The following METTL16 variants were observed in gnomAD, a reference collection of about 807,000 sequenced individuals.
The protein encoded by METTL16 is methyltransferase 16, RNA N6-adenosine.
A neutral mutation model predicts 57.9 loss-of-function variants in METTL16; 19 were observed. The observed-to-expected ratio is 0.33, with a 90% CI of 0.23 to 0.48. The LOEUF (loss-of-function observed/expected upper bound fraction) is 0.48, where lower values mean the gene tolerates loss of function less well. Among genes scored for constraint, METTL16 ranks in the 20% least tolerant of loss-of-function variants. The pLI is 0.99. For synonymous variants in METTL16, 246 were observed against 255.6 expected (o/e 0.96, Z 0.36); for missense variants, 434 against 691.5 (o/e 0.63, Z 4.18).
chr17:2,510,741 C>T (rs2067581432), intron 1 of METTL16, among the ~76,000 whole-genome samples: 1 of 152,016 alleles, frequency 6.6e-6, no homozygotes, highest in African/African-American at 2.4e-5. Flanking sequence ...TAGCTCCCTG[C>T]AGCCTCCAAC....
chr17:2,492,206 G>A (rs781658835), intron 2 of METTL16, among the ~76,000 whole-genome samples: 9 of 152,194 alleles, frequency 5.9e-5, no homozygotes, highest in East Asian at 1.9e-4. Context: ...GCAAGACTCC[G>A]TCTCAAAAAT....
At chr17:2,475,993 C>T (rs977849974) in intron 3 of METTL16, among the ~76,000 whole-genome samples, 27 of 152,162 alleles carry the variant, frequency 1.8e-4, no homozygotes, top group African/African-American at 5.8e-4. Flanking sequence ...AGGTGAGAGA[C>T]GATGACTTGG....
chr17:2,436,375 T>C (rs761774942), intron 8 of METTL16, among the ~76,000 whole-genome samples: 4 of 152,100 alleles, frequency 2.6e-5, no homozygotes, highest in South Asian at 2.1e-4. Flanking sequence ...GGGAGTGTAA[T>C]TGAACCCAGC....
chr17:2,442,232 C>T (rs2066958182), intron 6 of METTL16, among the ~76,000 whole-genome samples: 1 of 152,190 alleles, frequency 6.6e-6, no homozygotes, highest in Non-Finnish European at 1.5e-5. Flanking sequence ...CTGGACAAAA[C>T]ATATAAAATA....
At chr17:2,473,016 C>A (rs2151567576) in intron 4 of METTL16, among the ~76,000 whole-genome samples, 1 of 152,168 alleles carries the variant, frequency 6.6e-6, no homozygotes, top group South Asian at 2.1e-4. Flanking sequence ...GATGTGCCAG[C>A]ATAGGTTCAT....
At chr17:2,499,230 T>C (rs2067469333) in intron 2 of METTL16, among the ~76,000 whole-genome samples, 1 of 151,390 alleles carries the variant, frequency 6.6e-6, no homozygotes, top group Non-Finnish European at 1.5e-5. Flanking sequence ...AAGGCTTTCC[T>C]AGAACTGAGC....
At chr17:2,473,144 C>T (rs1462893426) in intron 4 of METTL16, among the ~76,000 whole-genome samples, 2 of 151,972 alleles carry the variant, frequency 1.3e-5, no homozygotes, top group African/African-American at 4.8e-5. Flanking sequence ...TTGCTATGAA[C>T]CTAAAAATGC....
intron 2 of METTL16, among the ~76,000 whole-genome samples, chr17:2,493,651 G>A (rs1266811373): frequency 6.6e-6 from 1 of 151,470 alleles, no homozygotes; most frequent in African/African-American, 2.4e-5. Flanking sequence ...CTCAGGTGGT[G>A]GAGGTTGCAG....
chr17:2,447,642 C>CT (rs2067014425), intron 6 of METTL16, among the ~76,000 whole-genome samples: 1 of 128,984 alleles, frequency 7.8e-6, no homozygotes, highest in Admixed American at 7.0e-5. Context: ...CTCTGCCCGG[C>CT]CGCCCCTACT....
chr17:2,422,619 C>A (rs886167540), intron 8 of METTL16, among the ~76,000 whole-genome samples: 1 of 152,122 alleles, frequency 6.6e-6, no homozygotes, highest in South Asian at 2.1e-4. Context: ...ATCCACCCAC[C>A]TCGGCCTCTC....
chr17:2,498,190 T>C (rs1368895813), intron 2 of METTL16, among the ~76,000 whole-genome samples: 1 of 135,922 alleles, frequency 7.4e-6, no homozygotes, highest in Non-Finnish European at 1.5e-5. Flanking sequence ...TAAGACTCCA[T>C]CTCAAAAAAA....
chr17:2,484,231 A>C lies in METTL16; in HGVS notation c.129-6346T>G, dbSNP rs553181519. 2.2e-4 allele frequency among the ~76,000 whole-genome samples: 33 copies of C among 152,336 alleles called. 1 individual carries two copies. In the South Asian group the frequency reaches 6.8e-3, roughly 32 times the overall value. On this transcript the variant is annotated intron_variant, in intron 2 of 9. Transcript: ENST00000263092. ...TAATTGTGAAAATCAGGGGTTTCAA[A>C]ATATTTATAAGGAATAGCTATTGGT...
At chr17:2,455,073 A>G (rs2067099941) in intron 6 of METTL16, 1 of 176,658 alleles carries the variant, frequency 5.7e-6, no homozygotes. Flanking sequence ...GGCACGTGCC[A>G]CTATGCCCAG....
Position 2,420,281 on chromosome 17 carries a change from G to A in METTL16, c.1378C>T (p.Pro460Ser), listed in dbSNP as rs374772218. The A allele has an allele frequency of 3.1e-6, 5 of 1,613,558 alleles. No homozygotes were observed. The highest frequency in any genetic ancestry group is 4.2e-6 in the Non-Finnish European group (5 of 1,180,026). Residue 460 changes from proline (P) to serine (S), a missense_variant, in exon 10 of 10, where the codon CCG (proline) becomes TCG (serine). Pro to Ser is a moderately conservative substitution (Grantham distance 74). Around this residue, in one of 5 missense-constraint regions of METTL16, gnomAD observed 168 missense variants for 149.6 expected, o/e 1.12. Coordinates refer to ENST00000263092, the MANE Select transcript of METTL16 (RefSeq NM_024086.4). This position sits in a 1 kb window ranked among gnomAD's most constrained non-coding sequence, Gnocchi z 5.4. ...SQESLSQEEN[P>S]EPTEDERSEE... ...CTCCTTTCATCCTCCGTGGGTTCCG[G>A]GTTTTCCTCCTGGGACAGGGACTCC...
chr17:2,463,434 G>T (rs548007786), intron 6 of METTL16, among the ~76,000 whole-genome samples: 2 of 152,108 alleles, frequency 1.3e-5, no homozygotes, highest in Non-Finnish European at 2.9e-5. Flanking sequence ...GATTGTAGGA[G>T]CCACTACCTT....
intron 6 of METTL16, among the ~76,000 whole-genome samples, chr17:2,447,062 CCT>C (rs1305747718): frequency 2.0e-5 from 3 of 147,980 alleles, no homozygotes; most frequent in African/African-American, 7.8e-5. Context: ...ATATGAGGAG[CCT>C]CTCTGCCTGG....
chr17:2,444,806 C>T (rs368660816), intron 6 of METTL16, among the ~76,000 whole-genome samples: 6 of 151,534 alleles, frequency 4.0e-5, no homozygotes, highest in South Asian at 2.1e-4. Flanking sequence ...CTCTGCCTCC[C>T]GGGTTCAAGC....
intron 6 of METTL16, among the ~76,000 whole-genome samples, chr17:2,462,520 C>G: frequency 6.6e-6 from 1 of 152,260 alleles, no homozygotes; most frequent in Middle Eastern, 3.4e-3. Flanking sequence ...GTGTTGGCGA[C>G]GGGGCCTGCT....
intron 8 of METTL16, among the ~76,000 whole-genome samples, chr17:2,429,577 C>T (rs946934775): frequency 6.6e-6 from 1 of 150,820 alleles, no homozygotes; most frequent in Non-Finnish European, 1.5e-5. Context: ...CATAGAAGTA[C>T]CTCAGCTAAT....
Sources: gnomAD v4.1 joint callset for allele counts (sites outside exome capture counted in the v4.1 genomes callset) on GRCh38, gnomAD v4.1.1 for gene constraint, gnomAD v4.1.1 regional missense constraint, Gnocchi (gnomAD v3.1) non-coding constraint, MANE v1.5 for transcripts, NCBI Gene and HGNC (gene_info 2026-07-23, HGNC 2026-07-21) for gene names.